The following CWC27 variants were observed in gnomAD, a reference collection of about 807,000 sequenced individuals.
CWC27 encodes CWC27 spliceosome associated cyclophilin, also known as spliceosome-associated protein CWC27 homolog.
In CWC27, 47 loss-of-function variants were observed where a neutral mutation model predicts 63.6. That is an observed-to-expected ratio of 0.74 (90% CI 0.58 to 0.94). The LOEUF (loss-of-function observed/expected upper bound fraction) is 0.94, where lower values mean the gene tolerates loss of function less well. CWC27 is among the 40% of genes least tolerant of loss of function. The probability of loss-of-function intolerance (pLI) is 0.00; values close to 1 mark genes in which losing one functional copy is unlikely to be tolerated. For missense variants in CWC27, 495 were observed against 554.3 expected (o/e 0.89, Z 1.07); for synonymous variants, 175 against 179.8 (o/e 0.97, Z 0.22).
intron 13 of CWC27, among the ~76,000 whole-genome samples, chr5:64,998,852 TTTTTAATTTCTC>T (rs1259657359): frequency 6.6e-6 from 1 of 152,038 alleles, no homozygotes; most frequent in African/African-American, 2.4e-5. Flanking sequence ...TTACTGTTGA[TTTTTAATTTCTC>T]TTTTGAGTTT....
At chr5:64,877,208 T>C (rs1484998716) in intron 10 of CWC27, among the ~76,000 whole-genome samples, 4 of 152,076 alleles carry the variant, frequency 2.6e-5, no homozygotes, top group African/African-American at 7.2e-5. Flanking sequence ...GTGGTGTACA[T>C]ACACAATGGA....
chr5:64,981,027 G>A (rs1180731814), intron 13 of CWC27, among the ~76,000 whole-genome samples: 2 of 152,108 alleles, frequency 1.3e-5, no homozygotes, highest in African/African-American at 4.8e-5. Context: ...GAAAGGTGGA[G>A]GTTGCAGTGA....
chr5:64,769,067 T>C lies in CWC27; in HGVS notation c.-80T>C. On this transcript the variant is annotated 5_prime_UTR_variant, in exon 1 of 14. Transcript: ENST00000381070. ...GCACCACTGGACTTAAGGAAGAGTG[T>C]ACTCGTAGGCGGACAGCTTTAGTGG... 1.7e-6 allele frequency: 2 copies of C among 1,152,430 alleles called. No homozygotes were observed. The highest frequency in any genetic ancestry group is 3.4e-5 in the Admixed American group (2 of 58,704). 71.4% of individuals were successfully genotyped at this position (1,152,430 alleles called of 1,614,324 possible).
At chr5:64,951,498 GTTCATGTGCCA>G (rs1379596162) in intron 11 of CWC27, among the ~76,000 whole-genome samples, 1 of 151,830 alleles carries the variant, frequency 6.6e-6, no homozygotes, top group Non-Finnish European at 1.5e-5. Context: ...AGTTTTCAAA[GTTCATGTGCCA>G]TTCATGTGCC....
chr5:65,018,104 T>C, intron 13 of CWC27, 55 bp from the exon 14 acceptor site: 1 of 1,428,488 alleles, frequency 7.0e-7, no homozygotes, highest in Non-Finnish European at 9.5e-7. Context: ...AGTATAGAAT[T>C]TCTACTGTAA....
intron 10 of CWC27, among the ~76,000 whole-genome samples, chr5:64,818,173 A>G (rs1434434455): frequency 6.6e-6 from 1 of 152,138 alleles, no homozygotes; most frequent in Non-Finnish European, 1.5e-5. Flanking sequence ...GTTAATTGGC[A>G]TATGAGTTTA....
intron 13 of CWC27, among the ~76,000 whole-genome samples, chr5:64,977,584 A>T (rs1270928591): frequency 6.6e-6 from 1 of 152,192 alleles, no homozygotes; most frequent in Non-Finnish European, 1.5e-5. Flanking sequence ...ACCTTAGAAG[A>T]TAATAAATCA....
intron 10 of CWC27, among the ~76,000 whole-genome samples, chr5:64,821,124 C>T (rs1205144351): frequency 3.7e-5 from 5 of 135,632 alleles, no homozygotes; most frequent in African/African-American, 1.4e-4. Flanking sequence ...CTCACTCTGT[C>T]GCCAGGCTGG....
At chr5:64,800,370 G>A in intron 8 of CWC27, 43 bp downstream of exon 8, 1 of 1,434,326 alleles carries the variant, frequency 7.0e-7, no homozygotes, top group South Asian at 1.2e-5. Flanking sequence ...TAATTTTCTG[G>A]CTCAGATAAT....
chr5:65,000,925 A>T (rs962040477), intron 13 of CWC27, among the ~76,000 whole-genome samples: 3 of 152,110 alleles, frequency 2.0e-5, no homozygotes, highest in African/African-American at 7.2e-5. Flanking sequence ...TAGTATGGTC[A>T]TATTAACAAC....
At chr5:64,786,674 A>G in intron 6 of CWC27, 47 bp downstream of exon 6, 1 of 1,137,566 alleles carries the variant, frequency 8.8e-7, no homozygotes, top group Admixed American at 2.5e-5. Context: ...AATGACACTC[A>G]TTCATTTAGT....
Position 65,004,861 on chromosome 5 carries a change from CATATATATATATATATATATATAT to C in CWC27, c.1257-13276_1257-13253del, listed in dbSNP as rs1170127729. Among the ~76,000 whole-genome samples, 24 of 45,484 alleles carry C rather than the reference CATATATATATATATATATATATAT, an allele frequency of 5.3e-4. 1 individual carries two copies. The highest frequency in any genetic ancestry group is 3.1e-3 in the South Asian group (2 of 638). 29.8% of individuals were successfully genotyped at this position (45,484 alleles called of 152,430 possible). A position where few individuals can be genotyped will look rare whatever the true frequency, so the allele number is the denominator to read the frequency against. On this transcript the variant is annotated intron_variant, in intron 13 of 13. Coordinates refer to ENST00000381070, the MANE Select transcript of CWC27 (RefSeq NM_005869.4). ...TGGCCTTCAGAGGGAAAGACTTTTT[CATATATATATATATATATATATAT>C]ATATATATATATATATATATACATA...
intron 10 of CWC27, among the ~76,000 whole-genome samples, chr5:64,818,944 TA>T (rs1745119635): frequency 6.6e-6 from 1 of 152,236 alleles, no homozygotes; most frequent in African/African-American, 2.4e-5. Context: ...AAAATGTGCT[TA>T]CCTTTTAGTA....
At chr5:64,979,938 C>T (rs1377115343) in intron 13 of CWC27, among the ~76,000 whole-genome samples, 1 of 140,774 alleles carries the variant, frequency 7.1e-6, no homozygotes, top group Non-Finnish European at 1.5e-5. Context: ...CATTTGGGTA[C>T]CATTCAGCAG....
At chr5:65,006,282 T>G (rs1056430744) in intron 13 of CWC27, among the ~76,000 whole-genome samples, 1 of 152,176 alleles carries the variant, frequency 6.6e-6, no homozygotes. Flanking sequence ...GTTGCACATT[T>G]GTAAAATGGA....
chr5:64,929,213 C>A (rs746456329), intron 11 of CWC27, among the ~76,000 whole-genome samples: 4 of 152,098 alleles, frequency 2.6e-5, no homozygotes, highest in African/African-American at 4.8e-5. Flanking sequence ...CCTCTGACTG[C>A]TGAAGGGACT....
At chr5:64,825,854 A>G (rs1285103318) in intron 10 of CWC27, among the ~76,000 whole-genome samples, 1 of 152,200 alleles carries the variant, frequency 6.6e-6, no homozygotes, top group Non-Finnish European at 1.5e-5. Context: ...GACTTAGGTA[A>G]AGCAGATTAT....
chr5:64,971,696 T>A lies in CWC27; in HGVS notation c.1043-7T>A, dbSNP rs1749126932. The A allele has an allele frequency of 6.3e-7, 1 of 1,581,064 alleles. No individual in the cohort carries two copies. Among genetic ancestry groups the A allele is most frequent in the Non-Finnish European group, 8.6e-7 (1 of 1,164,296 alleles). On this transcript the variant is annotated splice_region_variant and splice_polypyrimidine_tract_variant and intron_variant, in intron 11 of 13. Transcript: ENST00000381070. ...GCTTATTCTAAAAATATTCTACTAT[T>A]CTTTAGAGGAAGAAGCCCCTCCAGA...
chr5:64,912,003 G>A (rs1328438661), intron 11 of CWC27, among the ~76,000 whole-genome samples: 1 of 151,202 alleles, frequency 6.6e-6, no homozygotes, highest in Non-Finnish European at 1.5e-5. Context: ...GAACCCAGGA[G>A]GCAGATCTTG....
Sources: allele counts gnomAD v4.1 joint callset (sites outside exome capture counted in the v4.1 genomes callset), GRCh38; gene constraint gnomAD v4.1.1; transcripts MANE v1.5; gene names NCBI Gene and HGNC (gene_info 2026-07-23, HGNC 2026-07-21).